The following LGR5 variants were observed in gnomAD, a reference collection of about 807,000 sequenced individuals.
The protein encoded by LGR5 is leucine rich repeat containing G protein-coupled receptor 5, also known as leucine-rich repeat-containing G protein-coupled receptor 5.
In LGR5, 54 loss-of-function variants were observed where a neutral mutation model predicts 76.7. That is an observed-to-expected ratio of 0.70 (90% CI 0.57 to 0.88). The LOEUF (loss-of-function observed/expected upper bound fraction) is 0.88, where lower values mean the gene tolerates loss of function less well. Ranked by LOEUF, LGR5 falls within the 40% of genes least tolerant of loss-of-function variation. The pLI is 0.00. For missense variants in LGR5, 1,078 were observed against 1,073.3 expected (o/e 1.00, Z -0.06); for synonymous variants, 406 against 421.9 (o/e 0.96, Z 0.46).
rs140569264 is a variant in LGR5, at chr12:71,561,010, T to C, written c.786-771T>C. 2.5e-3 allele frequency among the ~76,000 whole-genome samples: 379 copies of C among 152,352 alleles called. 1 individual carries two copies. Among genetic ancestry groups the C allele is most frequent in the African/African-American group, 7.2e-3 (299 of 41,570 alleles). ...CATATCTAAAAAGATAAATAATCTA[T>C]GTTAGTAATGTTCTAACACTTGGAA... On this transcript the variant is annotated intron_variant, in intron 7 of 17. Transcript: ENST00000266674.
intron 16 of LGR5, among the ~76,000 whole-genome samples, chr12:71,582,142 A>T (rs1687774731): frequency 6.6e-6 from 1 of 152,198 alleles, no homozygotes; most frequent in South Asian, 2.1e-4. Context: ...GAAGAGGCCC[A>T]TAGCCTCCTC....
chr12:71,441,921 C>G (rs1002945278), intron 1 of LGR5: 3 of 152,164 alleles, frequency 2.0e-5, no homozygotes, highest in Non-Finnish European at 4.4e-5. Flanking sequence ...CCCAACCACT[C>G]TAGTTTAACT....
At chr12:71,568,763 G>A (rs550290246) in intron 11 of LGR5, among the ~76,000 whole-genome samples, 3 of 152,154 alleles carry the variant, frequency 2.0e-5, no homozygotes, top group Non-Finnish European at 4.4e-5. Flanking sequence ...TCTCCTGGGG[G>A]TATAGATCTG....
intron 1 of LGR5, among the ~76,000 whole-genome samples, chr12:71,489,219 AT>A (rs975791869): frequency 2.0e-5 from 3 of 152,192 alleles, no homozygotes; most frequent in African/African-American, 7.2e-5. Flanking sequence ...GTTATAAAAC[AT>A]TTTTGTTGTT....
chr12:71,523,380 A>G (rs1875819815), intron 2 of LGR5, among the ~76,000 whole-genome samples: 2 of 152,094 alleles, frequency 1.3e-5, no homozygotes, highest in South Asian at 4.1e-4. Flanking sequence ...GCTGGGTACT[A>G]TGGCACACCC....
chr12:71,577,808 T>C, intron 13 of LGR5, 117 bp from the exon 14 acceptor site: 2 of 659,844 alleles, frequency 3.0e-6, no homozygotes, highest in Admixed American at 2.5e-5. Context: ...GATAAGTTAA[T>C]TGTTTCTGAT....
rs989180260 is a variant in LGR5, at chr12:71,584,157, C to G, written c.2147C>G (p.Pro716Arg). The G allele has an allele frequency of 6.2e-7, 1 of 1,614,052 alleles. No homozygotes were observed. The highest frequency in any genetic ancestry group is 1.3e-5 in the African/African-American group (1 of 74,912). ...YGASPLCLPL[P>R]FGEPSTMGYM... ...GCCTCCCCTCTCTGCCTGCCTTTGC[C>G]TTTTGGGGAGCCCAGCACCATGGGC... Residue 716 changes from proline (P) to arginine (R), a missense_variant, in exon 18 of 18, where the codon CCT (proline) becomes CGT (arginine). Coordinates refer to ENST00000266674, the MANE Select transcript of LGR5 (RefSeq NM_003667.4).
Position 71,578,847 on chromosome 12 carries a change from T to G in LGR5, c.1324T>G (p.Leu442Val). 2.5e-6 allele frequency: 4 copies of G among 1,612,648 alleles called. No individual in the cohort carries two copies. In the South Asian group the frequency reaches 4.4e-5, roughly 18 times the overall value. Residue 442 changes from leucine to valine, a missense_variant, in exon 15 of 18, where the codon TTA (leucine) becomes GTA (valine). Coordinates refer to ENST00000266674, the MANE Select transcript of LGR5 (RefSeq NM_003667.4). ...NLLSSFPITG[L>V]HGLTHLKLTG... ...CCTGTCGTCTTTTCCTATAACTGGG[T>G]TACATGGTTTAACTCACTTAAAATT...
intron 1 of LGR5, among the ~76,000 whole-genome samples, chr12:71,488,669 C>T (rs181035389): frequency 2.0e-5 from 3 of 152,124 alleles, no homozygotes; most frequent in African/African-American, 7.2e-5. Context: ...TTCAAAGACA[C>T]GGGTCTCCTT....
At chr12:71,465,750 T>C (rs573599416) in intron 1 of LGR5, among the ~76,000 whole-genome samples, 3 of 152,330 alleles carry the variant, frequency 2.0e-5, no homozygotes, top group Non-Finnish European at 4.4e-5. Context: ...TCAGGATTCC[T>C]TTTTCAGGTA....
At chr12:71,519,521 C>A (rs537352668) in intron 2 of LGR5, among the ~76,000 whole-genome samples, 1 of 151,976 alleles carries the variant, frequency 6.6e-6, no homozygotes, top group East Asian at 1.9e-4. Flanking sequence ...AACACAAAGC[C>A]GGGCACGGTG....
At chr12:71,583,107 C>T (rs1415531938) in intron 17 of LGR5, among the ~76,000 whole-genome samples, 2 of 151,916 alleles carry the variant, frequency 1.3e-5, no homozygotes, top group Non-Finnish European at 2.9e-5. Context: ...TTCCAAAAAA[C>T]AGGATGAGCC....
chr12:71,578,770 G>A (rs761798373), intron 14 of LGR5, 34 bp from the exon 15 acceptor site: 5 of 1,573,310 alleles, frequency 3.2e-6, no homozygotes, highest in African/African-American at 1.4e-5. Flanking sequence ...TGCTAACATA[G>A]ACTAAAAGCC....
At chr12:71,544,549 AC>A (rs1291118214) in intron 4 of LGR5, among the ~76,000 whole-genome samples, 1 of 148,778 alleles carries the variant, frequency 6.7e-6, no homozygotes, top group Non-Finnish European at 1.5e-5. Context: ...AAAAAAAAAA[AC>A]CACCACCACA....
Position 71,583,943 on chromosome 12 carries a change from A to G in LGR5, c.1933A>G (p.Ile645Val), listed in dbSNP as rs535158105. 1.2e-6 allele frequency: 2 copies of G among 1,613,910 alleles called. No homozygotes were observed. The highest frequency in any genetic ancestry group is 2.2e-5 in the South Asian group (2 of 91,082). Residue 645 changes from isoleucine (I) to valine (V), a missense_variant, in exon 18 of 18, where the codon ATT (isoleucine) becomes GTT (valine). By Grantham distance (29) the Ile-to-Val change is conservative. Transcript: ENST00000266674. ...TTGCCATGTCATTGGTTTTTTGTCC[A>G]TTTTTGCTTCAGAATCATCTGTTTT... ...VGCHVIGFLS[I>V]FASESSVFLL...
intron 11 of LGR5, among the ~76,000 whole-genome samples, chr12:71,568,284 C>T (rs1422618964): frequency 6.6e-6 from 1 of 152,166 alleles, no homozygotes; most frequent in Non-Finnish European, 1.5e-5. Flanking sequence ...CAAATCCAAG[C>T]TCTCTATATG....
intron 1 of LGR5, among the ~76,000 whole-genome samples, chr12:71,474,425 A>G (rs1873237498): frequency 6.6e-6 from 1 of 152,240 alleles, no homozygotes. Flanking sequence ...ATAAATTACT[A>G]AAATATTCCT....
intron 5 of LGR5, 126 bp downstream of exon 5, chr12:71,553,414 C>T: frequency 1.4e-6 from 1 of 731,022 alleles, no homozygotes; most frequent in Non-Finnish European, 2.3e-6. Context: ...TCCTGAGCCC[C>T]TCCCCAAAAT....
At chr12:71,532,925 C>T (rs1441647671) in intron 3 of LGR5, among the ~76,000 whole-genome samples, 1 of 152,044 alleles carries the variant, frequency 6.6e-6, no homozygotes, top group Non-Finnish European at 1.5e-5. Context: ...GGTGTAGTAA[C>T]TCACACCTGT....
Sources: allele counts gnomAD v4.1 joint callset (sites outside exome capture counted in the v4.1 genomes callset), GRCh38; gene constraint gnomAD v4.1.1; transcripts MANE v1.5; gene names NCBI Gene and HGNC (gene_info 2026-07-23, HGNC 2026-07-21).